LYPD1: variants seen among roughly 807,000 people sequenced by gnomAD.
The protein encoded by LYPD1 is LY6/PLAUR domain containing 1.
Under a neutral mutation model 14.2 loss-of-function variants are expected in LYPD1, and 14 were observed. The ratio of observed to expected loss-of-function variants is 0.99; its 90% confidence interval spans 0.65 to 1.54. LYPD1 has a LOEUF of 1.54. Ranked by LOEUF, LYPD1 falls within the 40% of genes most tolerant of loss-of-function variation. The pLI, the probability that LYPD1 is intolerant of heterozygous loss-of-function variation, is 0.00. For synonymous variants in LYPD1, 85 were observed against 70.6 expected (o/e 1.20, Z -1.02); for missense variants, 165 against 175.7 (o/e 0.94, Z 0.34).
intron 2 of LYPD1, among the ~76,000 whole-genome samples, chr2:132,654,452 C>G (rs1249441881): frequency 6.6e-6 from 1 of 151,634 alleles, no homozygotes; most frequent in Admixed American, 6.6e-5. Context: ...CATGTTCTTT[C>G]TGTGCTACAC....
rs1233551850 is a variant in LYPD1, at chr2:132,669,750, G to A, written c.52+131C>T. 1.4e-6 allele frequency: 2 copies of A among 1,455,810 alleles called. No individual in the cohort carries two copies. Among genetic ancestry groups the A allele is most frequent in the African/African-American group, 1.5e-5 (1 of 66,452 alleles). 90.2% of individuals were successfully genotyped at this position (1,455,810 alleles called of 1,614,324 possible). A position where few individuals can be genotyped will look rare whatever the true frequency, so the allele number is the denominator to read the frequency against. Reference sequence around the variant, plus strand: ...CCTCGCGCCCCGGGGCACCAGTCGCGGCCGCCAACTCCCGCTGGGCAGCCC... The same window carrying A: ...CCTCGCGCCCCGGGGCACCAGTCGCAGCCGCCAACTCCCGCTGGGCAGCCC... On this transcript the variant is annotated intron_variant, in intron 1 of 2. Transcript: ENST00000397463. This position sits in a 1 kb window ranked among gnomAD's most constrained non-coding sequence, Gnocchi z 4.3.
intron 2 of LYPD1, among the ~76,000 whole-genome samples, chr2:132,665,686 C>T (rs545308565): frequency 2.6e-5 from 4 of 152,328 alleles, no homozygotes; most frequent in African/African-American, 9.6e-5. Context: ...ACCTTGCTTT[C>T]TTCCTCTGTA....
intron 2 of LYPD1, among the ~76,000 whole-genome samples, chr2:132,650,741 C>T (rs1254339742): frequency 6.8e-6 from 1 of 147,456 alleles, no homozygotes; most frequent in South Asian, 2.1e-4. Context: ...AAAACAAAAA[C>T]AAAACCCAAA....
At chr2:132,648,512 T>A (rs75957192) in intron 2 of LYPD1, among the ~76,000 whole-genome samples, 10,760 of 152,272 alleles carry the variant, frequency 0.071, 1,236 homozygotes, top group African/African-American at 0.24. Flanking sequence ...TATTCTGCAA[T>A]TTGCATTTTT....
At chr2:132,652,480 A>C (rs1007756568) in intron 2 of LYPD1, among the ~76,000 whole-genome samples, 3 of 152,186 alleles carry the variant, frequency 2.0e-5, no homozygotes, top group African/African-American at 7.2e-5. Context: ...ACAAAGGCAG[A>C]ACTGTGAGAG....
intron 2 of LYPD1, among the ~76,000 whole-genome samples, chr2:132,656,814 T>C (rs1682620904): frequency 6.6e-6 from 1 of 152,150 alleles, no homozygotes; most frequent in African/African-American, 2.4e-5. Context: ...ACAAGAATGC[T>C]AACAACTCAT....
intron 2 of LYPD1, among the ~76,000 whole-genome samples, chr2:132,648,465 C>T (rs1429690994): frequency 7.3e-6 from 1 of 136,696 alleles, no homozygotes; most frequent in East Asian, 2.0e-4. Flanking sequence ...AAATAAAGTC[C>T]GTGTGTTTGC....
Position 132,664,247 on chromosome 2 carries a change from G to A in LYPD1, c.190+4153C>T, listed in dbSNP as rs553511577. On this transcript the variant is annotated intron_variant, in intron 2 of 2. Coordinates refer to ENST00000397463, the MANE Select transcript of LYPD1 (RefSeq NM_144586.7). Reference sequence around the variant, plus strand: ...TTTTAGATCTCGGGGAAATTAAGCAGACATAGACTTAAGAAAACACAGGCT... The same window carrying A: ...TTTTAGATCTCGGGGAAATTAAGCAAACATAGACTTAAGAAAACACAGGCT... Among the ~76,000 whole-genome samples, 37 of 152,290 alleles carry A rather than the reference G, an allele frequency of 2.4e-4. 1 individual carries two copies. The South Asian group carries it at 7.3e-3, about 30-fold the overall frequency.
Position 132,645,460 on chromosome 2 carries a change from G to A in LYPD1, c.*585C>T. ...GCGCCAGTCCTCTGCAAGGAGAACT[G>A]AGAAGATTTTCTTAAGCACTTTTCA... On this transcript the variant is annotated 3_prime_UTR_variant, in exon 3 of 3. Transcript: ENST00000397463. 2 of 1,613,900 alleles carry A rather than the reference G, an allele frequency of 1.2e-6. No individual in the cohort carries two copies. The highest frequency in any genetic ancestry group is 1.7e-6 in the Non-Finnish European group (2 of 1,180,044).
intron 2 of LYPD1, among the ~76,000 whole-genome samples, chr2:132,657,382 C>T (rs1348891328): frequency 6.6e-6 from 1 of 152,156 alleles, no homozygotes; most frequent in Non-Finnish European, 1.5e-5. Flanking sequence ...ACAGTGCCCC[C>T]TCAATGATTT....
At chr2:132,649,486 A>G (rs907138422) in intron 2 of LYPD1, among the ~76,000 whole-genome samples, 1 of 152,174 alleles carries the variant, frequency 6.6e-6, no homozygotes, top group Non-Finnish European at 1.5e-5. Context: ...GGCGATGGGA[A>G]CGGAGGTGCA....
chr2:132,657,580 A>C (rs1255476491), intron 2 of LYPD1, among the ~76,000 whole-genome samples: 1 of 152,220 alleles, frequency 6.6e-6, no homozygotes, highest in Non-Finnish European at 1.5e-5. Context: ...AGAACATCTA[A>C]GCACTTAACC....
At chr2:132,657,698 A>T (rs1682680256) in intron 2 of LYPD1, among the ~76,000 whole-genome samples, 1 of 152,226 alleles carries the variant, frequency 6.6e-6, no homozygotes, top group African/African-American at 2.4e-5. Flanking sequence ...AATGGCATGT[A>T]CATCTTGTGT....
intron 2 of LYPD1, among the ~76,000 whole-genome samples, chr2:132,662,537 G>T (rs1683011127): frequency 7.6e-6 from 1 of 132,350 alleles, no homozygotes; most frequent in African/African-American, 2.8e-5. Flanking sequence ...TGCTTAGTTT[G>T]GACATTAGAA....
At position 132,669,813 on chromosome 2, in the gene LYPD1, C is replaced by T. The variant is rs1683539770; in HGVS notation, c.52+68G>A. The T allele has an allele frequency of 5.0e-6, 8 of 1,590,770 alleles. No individual in the cohort carries two copies. The highest frequency in any genetic ancestry group is 6.8e-6 in the Non-Finnish European group (8 of 1,169,968). On this transcript the variant is annotated intron_variant, in intron 1 of 2. Transcript: ENST00000397463. This position sits in a 1 kb window ranked among gnomAD's most constrained non-coding sequence, Gnocchi z 4.3. Reference sequence around the variant, plus strand: ...GGCCCCGAGGTGGGCGCCTTGGGGGCAAAAGGGCTGGCGGGTAGATGGATT... The same window carrying T: ...GGCCCCGAGGTGGGCGCCTTGGGGGTAAAAGGGCTGGCGGGTAGATGGATT...
intron 2 of LYPD1, among the ~76,000 whole-genome samples, chr2:132,653,963 A>C (rs1682448678): frequency 6.6e-6 from 1 of 151,092 alleles, no homozygotes. Flanking sequence ...ATGCATTGTC[A>C]GAGGTTAGAG....
At chr2:132,661,919 CAT>C (rs1053888936) in intron 2 of LYPD1, among the ~76,000 whole-genome samples, 11 of 137,618 alleles carry the variant, frequency 8.0e-5, no homozygotes, top group African/African-American at 3.0e-4. Flanking sequence ...AGCGGGAAAA[CAT>C]AGAAAATGGC....
intron 2 of LYPD1, among the ~76,000 whole-genome samples, chr2:132,662,353 A>AG (rs1682999437): frequency 6.6e-6 from 1 of 152,126 alleles, no homozygotes; most frequent in Non-Finnish European, 1.5e-5. Flanking sequence ...ACATTTTACA[A>AG]GGGGGGAGGC....
intron 2 of LYPD1, among the ~76,000 whole-genome samples, chr2:132,654,608 G>C (rs549070969): frequency 3.3e-5 from 5 of 152,166 alleles, no homozygotes; most frequent in African/African-American, 4.8e-5. Context: ...GGGCTTGGAG[G>C]CTCCTGAAAT....
Sources: allele counts gnomAD v4.1 joint callset (sites outside exome capture counted in the v4.1 genomes callset), GRCh38; gene constraint gnomAD v4.1.1; non-coding constraint Gnocchi (gnomAD v3.1); transcripts MANE v1.5; gene names NCBI Gene and HGNC (gene_info 2026-07-23, HGNC 2026-07-21).